Variants in KCNIP4 observed in about 807,000 individuals in gnomAD.
The protein encoded by KCNIP4 is potassium voltage-gated channel interacting protein 4, also known as Kv channel-interacting protein 4.
KCNIP4 carries 12 observed loss-of-function variants against 34.0 expected under a neutral mutation model. The ratio of observed to expected loss-of-function variants is 0.35; its 90% CI spans 0.23 to 0.57. KCNIP4 has a LOEUF of 0.57. KCNIP4 is among the 20% of genes least tolerant of loss of function. KCNIP4 has a pLI of 0.83. For synonymous variants in KCNIP4, 124 were observed against 102.2 expected (o/e 1.21, Z -1.29); for missense variants, 238 against 311.7 (o/e 0.76, Z 1.78).
chr4:21,710,016 A>G (rs1314430226), intron 1 of KCNIP4, among the ~76,000 whole-genome samples: 1 of 152,218 alleles, frequency 6.6e-6, no homozygotes, highest in Non-Finnish European at 1.5e-5. Context: ...GAGGGCCCAC[A>G]TTGGCATGCC....
chr4:21,291,925 AAG>A (rs1270128283), intron 1 of KCNIP4, among the ~76,000 whole-genome samples: 6 of 89,474 alleles, frequency 6.7e-5, no homozygotes, highest in Middle Eastern at 5.1e-3. Flanking sequence ...GAAAGAAAGA[AAG>A]AAAGAAAGAA....
chr4:21,295,906 C>A (rs1468720672), intron 1 of KCNIP4, among the ~76,000 whole-genome samples: 2 of 145,310 alleles, frequency 1.4e-5, no homozygotes, highest in Non-Finnish European at 3.0e-5. Flanking sequence ...ACAATAGAGG[C>A]ACATGCAGTT....
chr4:20,846,683 A>G (rs1327747930), intron 3 of KCNIP4, among the ~76,000 whole-genome samples: 1 of 152,134 alleles, frequency 6.6e-6, no homozygotes, highest in African/African-American at 2.4e-5. Flanking sequence ...CACAACACAC[A>G]CACACCAAAG....
intron 1 of KCNIP4, among the ~76,000 whole-genome samples, chr4:21,488,533 TA>T (rs925773528): frequency 1.3e-5 from 2 of 151,820 alleles, no homozygotes; most frequent in East Asian, 1.9e-4. Context: ...TGCATATGGC[TA>T]AAAAAAACCT....
At chr4:21,881,013 T>C (rs1369392756) in intron 1 of KCNIP4, among the ~76,000 whole-genome samples, 2 of 152,188 alleles carry the variant, frequency 1.3e-5, no homozygotes, top group Non-Finnish European at 2.9e-5. Flanking sequence ...GGGAAGACAT[T>C]TGTAATGTTA....
intron 1 of KCNIP4, among the ~76,000 whole-genome samples, chr4:21,669,550 G>A (rs1272995984): frequency 6.6e-6 from 1 of 152,134 alleles, no homozygotes; most frequent in African/African-American, 2.4e-5. Flanking sequence ...AGTTAAGTTT[G>A]GGGGAGTCAA....
At chr4:21,468,134 C>A (rs1323328669) in intron 1 of KCNIP4, among the ~76,000 whole-genome samples, 1 of 152,022 alleles carries the variant, frequency 6.6e-6, no homozygotes, top group Non-Finnish European at 1.5e-5. Context: ...AGGTTCCAAG[C>A]TCAAGAAAAC....
chr4:21,491,069 T>C (rs1732349584), intron 1 of KCNIP4, among the ~76,000 whole-genome samples: 2 of 152,140 alleles, frequency 1.3e-5, no homozygotes. Context: ...TGCATGATTA[T>C]AGGAACGACA....
chr4:20,834,936 A>G (rs1052112095), intron 3 of KCNIP4, among the ~76,000 whole-genome samples: 2 of 152,208 alleles, frequency 1.3e-5, no homozygotes, highest in Non-Finnish European at 1.5e-5. Context: ...TTTACTCCCA[A>G]GAAAATACCT....
At chr4:20,972,537 G>T (rs1219505017) in intron 1 of KCNIP4, among the ~76,000 whole-genome samples, 1 of 152,128 alleles carries the variant, frequency 6.6e-6, no homozygotes, top group Non-Finnish European at 1.5e-5. Context: ...TGAGGAGTAG[G>T]TCTCAAGGGT....
intron 1 of KCNIP4, among the ~76,000 whole-genome samples, chr4:21,340,542 C>T (rs1416935337): frequency 1.3e-5 from 2 of 152,164 alleles, no homozygotes; most frequent in Admixed American, 6.5e-5. Context: ...TAGTACAAGG[C>T]TGTGGTATAA....
intron 1 of KCNIP4, among the ~76,000 whole-genome samples, chr4:21,336,925 C>A (rs34146828): frequency 6.6e-6 from 1 of 151,904 alleles, no homozygotes; most frequent in Non-Finnish European, 1.5e-5. Context: ...TGGGAGAACA[C>A]AGCACACAGG....
At chr4:21,945,723 T>G (rs1024580238) in intron 1 of KCNIP4, among the ~76,000 whole-genome samples, 4 of 152,080 alleles carry the variant, frequency 2.6e-5, no homozygotes, top group Non-Finnish European at 5.9e-5. Flanking sequence ...TGATTCTCTT[T>G]CAAACATAGT....
intron 1 of KCNIP4, among the ~76,000 whole-genome samples, chr4:21,242,952 C>T (rs180684912): frequency 2.0e-3 from 310 of 151,324 alleles, no homozygotes; most frequent in Non-Finnish European, 3.6e-3. Context: ...CTAACTAGTA[C>T]AACAGTAACC....
chr4:21,033,003 T>A (rs1741145746), intron 1 of KCNIP4, among the ~76,000 whole-genome samples: 1 of 152,072 alleles, frequency 6.6e-6, no homozygotes. Context: ...CTCTTTGAAC[T>A]GGAAAAACTC....
intron 5 of KCNIP4, among the ~76,000 whole-genome samples, chr4:20,740,125 T>C (rs1469931797): frequency 6.6e-6 from 1 of 152,096 alleles, no homozygotes; most frequent in East Asian, 1.9e-4. Context: ...TACCTGAAAG[T>C]GACGGGGAGA....
intron 1 of KCNIP4, among the ~76,000 whole-genome samples, chr4:21,033,833 A>G (rs369437588): frequency 2.0e-5 from 3 of 152,202 alleles, no homozygotes; most frequent in East Asian, 3.9e-4. Flanking sequence ...CAAACTTTAT[A>G]GTAATAAGCA....
chr4:21,376,213 T>A lies in KCNIP4; in HGVS notation c.62-493504A>T, dbSNP rs939311964. Among the ~76,000 whole-genome samples, 22 of 152,314 alleles carry A rather than the reference T, an allele frequency of 1.4e-4. No homozygotes were observed. In the East Asian group the frequency reaches 4.1e-3, roughly 28 times the overall value. ...TATGTTAAAAAGGAATTTAAAAAGATAACACTTGCAAAATTTTGTGAAACC... is the reference window on the plus strand; with the variant it reads ...TATGTTAAAAAGGAATTTAAAAAGAAAACACTTGCAAAATTTTGTGAAACC... On this transcript the variant is annotated intron_variant, in intron 1 of 8. Coordinates refer to ENST00000382152, the MANE Select transcript of KCNIP4 (RefSeq NM_025221.6).
chr4:21,370,938 AG>A (rs770946304), intron 1 of KCNIP4, among the ~76,000 whole-genome samples: 2 of 129,508 alleles, frequency 1.5e-5, no homozygotes, highest in East Asian at 4.8e-4. Context: ...TAGCAATGCA[AG>A]AGAGGAAAAG....
Sources: gnomAD v4.1 joint callset for allele counts (sites outside exome capture counted in the v4.1 genomes callset) on GRCh38, gnomAD v4.1.1 for gene constraint, MANE v1.5 for transcripts, NCBI Gene and HGNC (gene_info 2026-07-23, HGNC 2026-07-21) for gene names.